AGBL4: variants seen among roughly 807,000 people sequenced by gnomAD.
The protein encoded by AGBL4 is cytosolic carboxypeptidase 6.
In AGBL4, 58 loss-of-function variants were observed where a neutral mutation model predicts 66.4. That is an observed-to-expected ratio of 0.87 (90% CI 0.71 to 1.09). The LOEUF is 1.09. Among genes scored for constraint, AGBL4 ranks in the 50% least tolerant of loss-of-function variants. The pLI, the probability that AGBL4 is intolerant of heterozygous loss-of-function variation, is 0.00. For missense variants in AGBL4, 579 were observed against 631.0 expected (o/e 0.92, Z 0.88); for synonymous variants, 234 against 222.9 (o/e 1.05, Z -0.44).
chr1:49,334,126 A>G (rs968525097), intron 3 of AGBL4, among the ~76,000 whole-genome samples: 2 of 152,196 alleles, frequency 1.3e-5, no homozygotes, highest in East Asian at 3.9e-4. Context: ...GTACGTTCAT[A>G]CACATTGTTT....
intron 6 of AGBL4, among the ~76,000 whole-genome samples, chr1:48,856,715 A>G (rs1209333972): frequency 2.0e-5 from 3 of 152,248 alleles, no homozygotes; most frequent in African/African-American, 7.2e-5. Flanking sequence ...TAACAAGGTT[A>G]AGAGGGGATA....
At chr1:48,843,224 G>C (rs1462432535) in intron 6 of AGBL4, among the ~76,000 whole-genome samples, 1 of 152,046 alleles carries the variant, frequency 6.6e-6, no homozygotes, top group Non-Finnish European at 1.5e-5. Context: ...ATTTATATGT[G>C]TAATAAAATT....
chr1:48,710,090 G>A (rs879924174), intron 6 of AGBL4, among the ~76,000 whole-genome samples: 1 of 152,158 alleles, frequency 6.6e-6, no homozygotes, highest in African/African-American at 2.4e-5. Flanking sequence ...GTCTCCAACA[G>A]TGGCAATCCG....
chr1:49,417,996 G>T (rs1010499282), intron 3 of AGBL4, among the ~76,000 whole-genome samples: 3 of 152,096 alleles, frequency 2.0e-5, no homozygotes, highest in South Asian at 4.1e-4. Context: ...CATGTTTATT[G>T]TTTGTTTTAT....
intron 1 of AGBL4, among the ~76,000 whole-genome samples, chr1:49,989,296 T>C (rs1396613245): frequency 3.3e-5 from 5 of 152,170 alleles, no homozygotes; most frequent in African/African-American, 1.2e-4. Flanking sequence ...TAGAGAAGGC[T>C]GAACTTTGGG....
rs142293455 is a variant in AGBL4, at chr1:49,180,756, T to C, written c.377+65014A>G. 7.7e-3 allele frequency among the ~76,000 whole-genome samples: 1,176 copies of C among 152,290 alleles called. 45 individuals are homozygous for C. The highest frequency in any genetic ancestry group is 0.058 in the Admixed American group (894 of 15,302). On this transcript the variant is annotated intron_variant, in intron 4 of 13. Coordinates refer to ENST00000371839, the MANE Select transcript of AGBL4 (RefSeq NM_032785.4). ...CCTGCACAGATGCACCATACATCCA[T>C]ATACTCCATGAACCAAGAGCATTGT...
At chr1:49,162,779 G>A (rs879397869) in intron 4 of AGBL4, among the ~76,000 whole-genome samples, 3 of 152,036 alleles carry the variant, frequency 2.0e-5, no homozygotes, top group Non-Finnish European at 2.9e-5. Flanking sequence ...TCTGTAATGT[G>A]GAAATAATAA....
chr1:48,699,076 G>C (rs980587996), intron 6 of AGBL4, among the ~76,000 whole-genome samples: 1 of 152,114 alleles, frequency 6.6e-6, no homozygotes, highest in Admixed American at 6.5e-5. Context: ...CTGCCTCTAG[G>C]AGGAGGACAT....
Position 49,100,210 on chromosome 1 carries a change from T to C in AGBL4, c.378-54410A>G, listed in dbSNP as rs562817997. ...GATGCAAAACTAAGGGTACCCTTGT[T>C]ACACCCTTAGGGAGCTCTGGAGCTA... On this transcript the variant is annotated intron_variant, in intron 4 of 13. Coordinates refer to ENST00000371839, the MANE Select transcript of AGBL4 (RefSeq NM_032785.4). Among the ~76,000 whole-genome samples the C allele has an allele frequency of 4.6e-5, 7 of 152,272 alleles. No homozygotes were observed. The South Asian group carries it at 1.5e-3, about 32-fold the overall frequency.
intron 3 of AGBL4, among the ~76,000 whole-genome samples, chr1:49,696,687 A>G (rs1486723017): frequency 6.6e-6 from 1 of 152,148 alleles, no homozygotes; most frequent in African/African-American, 2.4e-5. Flanking sequence ...ATCTGAAAAA[A>G]AAACTGAAAC....
chr1:49,912,822 C>T lies in AGBL4; in HGVS notation c.35-61304G>A, dbSNP rs1014428847. ...GCCACATCTGGTGAGGATAATTCCA[C>T]AACAAAAGGCAGAAGGGCAAGAGAA... is the stretch of plus-strand genomic sequence containing the variant. On this transcript the variant is annotated intron_variant, in intron 1 of 13. Transcript: ENST00000371839. Among the ~76,000 whole-genome samples, 3 of 152,180 alleles carry T rather than the reference C, an allele frequency of 2.0e-5. No individual in the cohort carries two copies. In the South Asian group the frequency reaches 6.2e-4, roughly 32 times the overall value.
chr1:49,540,852 A>G (rs967858293), intron 3 of AGBL4, among the ~76,000 whole-genome samples: 1 of 152,070 alleles, frequency 6.6e-6, no homozygotes, highest in African/African-American at 2.4e-5. Flanking sequence ...AAACCAGTTA[A>G]CTCCTTAGCA....
chr1:48,539,798 AACT>A, intron 11 of AGBL4, 60 bp from the exon 12 acceptor site: 1 of 1,123,880 alleles, frequency 8.9e-7, no homozygotes, highest in Non-Finnish European at 1.2e-6. Context: ...GTGAAAAGAG[AACT>A]ACTAATAAAA....
chr1:49,974,121 A>G (rs1658366908), intron 1 of AGBL4, among the ~76,000 whole-genome samples: 1 of 152,252 alleles, frequency 6.6e-6, no homozygotes, highest in East Asian at 1.9e-4. Context: ...TAAAAAGAAT[A>G]TTAGATAGGA....
At chr1:49,269,639 T>A (rs563089201) in intron 3 of AGBL4, among the ~76,000 whole-genome samples, 1 of 152,320 alleles carries the variant, frequency 6.6e-6, no homozygotes, top group South Asian at 2.1e-4. Flanking sequence ...TTCTCTCCCA[T>A]AAGCTGTCTT....
intron 5 of AGBL4, among the ~76,000 whole-genome samples, chr1:49,003,991 G>A (rs772812269): frequency 9.9e-5 from 15 of 152,132 alleles, no homozygotes; most frequent in Non-Finnish European, 1.6e-4. Context: ...TCAAATTCCA[G>A]ACTCTCCGAA....
chr1:48,681,113 A>G (rs923738830), intron 6 of AGBL4, among the ~76,000 whole-genome samples: 3 of 152,254 alleles, frequency 2.0e-5, no homozygotes, highest in African/African-American at 7.2e-5. Context: ...ATTACTGGCT[A>G]GAACACCAAT....
intron 5 of AGBL4, among the ~76,000 whole-genome samples, chr1:48,963,832 A>G (rs1658203859): frequency 6.6e-6 from 1 of 152,182 alleles, no homozygotes; most frequent in Non-Finnish European, 1.5e-5. Context: ...ACACTCTTAC[A>G]AATAGCATTT....
At chr1:49,533,380 T>A (rs1651299093) in intron 3 of AGBL4, among the ~76,000 whole-genome samples, 1 of 152,156 alleles carries the variant, frequency 6.6e-6, no homozygotes, top group Non-Finnish European at 1.5e-5. Flanking sequence ...CTGGTAATGA[T>A]CTAAATTCTT....
Sources: gnomAD v4.1 joint callset for allele counts (sites outside exome capture counted in the v4.1 genomes callset) on GRCh38, gnomAD v4.1.1 for gene constraint, MANE v1.5 for transcripts, NCBI Gene and HGNC (gene_info 2026-07-23, HGNC 2026-07-21) for gene names.